PLXDC2: variants seen among roughly 807,000 people sequenced by gnomAD.
PLXDC2 encodes plexin domain containing 2.
A neutral mutation model predicts 68.9 loss-of-function variants in PLXDC2; 40 were observed. That is an observed-to-expected ratio of 0.58 (90% CI 0.45 to 0.76). The LOEUF (loss-of-function observed/expected upper bound fraction) is 0.76, where lower values mean the gene tolerates loss of function less well. PLXDC2 is among the 30% of genes least tolerant of loss of function. PLXDC2 has a pLI of 0.00. For synonymous variants in PLXDC2, 243 were observed against 234.2 expected, an observed-to-expected ratio of 1.04 and a Z score of -0.34; for missense variants, 644 against 661.9, an observed-to-expected ratio of 0.97 and a Z score of 0.30.
At chr10:19,900,270 A>G (rs1266921969) in intron 1 of PLXDC2, among the ~76,000 whole-genome samples, 2 of 152,168 alleles carry the variant, frequency 1.3e-5, no homozygotes, top group Non-Finnish European at 2.9e-5. Context: ...GGCCTGGGAG[A>G]TGAATGGTGG....
chr10:20,035,272 A>G (rs1396042129), intron 2 of PLXDC2, among the ~76,000 whole-genome samples: 1 of 152,214 alleles, frequency 6.6e-6, no homozygotes, highest in Non-Finnish European at 1.5e-5. Flanking sequence ...TTGCTTGTTA[A>G]TCACTTCCTG....
intron 1 of PLXDC2, among the ~76,000 whole-genome samples, chr10:19,952,741 T>C (rs954068333): frequency 6.6e-6 from 1 of 152,214 alleles, no homozygotes; most frequent in Non-Finnish European, 1.5e-5. Context: ...TACGTTGAGC[T>C]GTAAGTGAGA....
intron 8 of PLXDC2, 94 bp downstream of exon 8, chr10:20,177,188 C>A: frequency 7.4e-7 from 1 of 1,346,550 alleles, no homozygotes; most frequent in Non-Finnish European, 1.1e-6. Context: ...TAAATAATTA[C>A]CATTATAATT....
At chr10:19,883,591 G>A (rs981216370) in intron 1 of PLXDC2, among the ~76,000 whole-genome samples, 7 of 151,772 alleles carry the variant, frequency 4.6e-5, no homozygotes, top group African/African-American at 1.7e-4. Flanking sequence ...GAGAACTTAC[G>A]TCCCCTTTTC....
intron 1 of PLXDC2, among the ~76,000 whole-genome samples, chr10:19,966,324 ATG>A (rs1834250499): frequency 7.8e-6 from 1 of 128,566 alleles, no homozygotes; most frequent in Admixed American, 7.3e-5. Flanking sequence ...TATTTTATAT[ATG>A]TATATGTACA....
chr10:20,061,715 G>A (rs1203855163), intron 3 of PLXDC2, among the ~76,000 whole-genome samples: 2 of 152,146 alleles, frequency 1.3e-5, no homozygotes, highest in African/African-American at 2.4e-5. Context: ...TCTATTAAAT[G>A]TTAATTTCAT....
chr10:20,125,442 G>A (rs74119621), intron 4 of PLXDC2, among the ~76,000 whole-genome samples: 5,476 of 152,172 alleles, frequency 0.036, 361 homozygotes, highest in African/African-American at 0.13. Context: ...TTGGATGAAG[G>A]GCTGGATAGA....
chr10:20,075,239 A>T (rs1836418410), intron 4 of PLXDC2, among the ~76,000 whole-genome samples: 1 of 152,138 alleles, frequency 6.6e-6, no homozygotes, highest in African/African-American at 2.4e-5. Flanking sequence ...CCCAAGCTGG[A>T]GTGCAGTGGC....
intron 1 of PLXDC2, among the ~76,000 whole-genome samples, chr10:19,941,808 C>T (rs998286637): frequency 6.6e-6 from 1 of 152,068 alleles, no homozygotes; most frequent in Non-Finnish European, 1.5e-5. Flanking sequence ...ACTCTGCTAA[C>T]GTGTTGAGTT....
At chr10:20,036,360 T>C (rs184102501) in intron 2 of PLXDC2, among the ~76,000 whole-genome samples, 52 of 152,270 alleles carry the variant, frequency 3.4e-4, no homozygotes, top group South Asian at 1.0e-3. Flanking sequence ...AGCAGCCCTT[T>C]ACAAGCCAGG....
At chr10:20,199,382 A>G (rs911116685) in intron 9 of PLXDC2, among the ~76,000 whole-genome samples, 4 of 152,038 alleles carry the variant, frequency 2.6e-5, no homozygotes, top group African/African-American at 9.6e-5. Context: ...ATTTTTATGT[A>G]GCATAATTCT....
At chr10:20,126,281 A>G (rs1589642688) in intron 4 of PLXDC2, among the ~76,000 whole-genome samples, 1 of 146,764 alleles carries the variant, frequency 6.8e-6, no homozygotes, top group Admixed American at 6.9e-5. Context: ...ATATATACAT[A>G]TACGTTATAT....
chr10:20,043,800 AATT>A (rs1312781987), intron 2 of PLXDC2, among the ~76,000 whole-genome samples: 1 of 152,098 alleles, frequency 6.6e-6, no homozygotes, highest in African/African-American at 2.4e-5. Flanking sequence ...AAATTAAATG[AATT>A]ATTATTTTAC....
chr10:20,209,479 A>G (rs1485382089), intron 9 of PLXDC2, among the ~76,000 whole-genome samples: 1 of 152,122 alleles, frequency 6.6e-6, no homozygotes. Context: ...TGGCACATGT[A>G]ACAAAGTTGC....
At chr10:20,277,588 A>G (rs1836025137) in intron 13 of PLXDC2, among the ~76,000 whole-genome samples, 1 of 152,182 alleles carries the variant, frequency 6.6e-6, no homozygotes, top group Non-Finnish European at 1.5e-5. Flanking sequence ...GTGAGATAAC[A>G]TCTCCTATCT....
intron 13 of PLXDC2, among the ~76,000 whole-genome samples, chr10:20,263,947 C>G (rs1012363191): frequency 6.6e-6 from 1 of 152,022 alleles, no homozygotes; most frequent in East Asian, 1.9e-4. Context: ...ACCCAGCAAT[C>G]CCATTACTTG....
chr10:20,237,708 T>C (rs1004628911), intron 12 of PLXDC2, among the ~76,000 whole-genome samples: 5 of 152,250 alleles, frequency 3.3e-5, no homozygotes, highest in East Asian at 1.9e-4. Context: ...TTTAACTTTA[T>C]TCTGAAGCTT....
At chr10:19,934,459 A>G (rs1833690883) in intron 1 of PLXDC2, among the ~76,000 whole-genome samples, 2 of 152,214 alleles carry the variant, frequency 1.3e-5, no homozygotes, top group Admixed American at 6.5e-5. Flanking sequence ...CCTTCTGCAT[A>G]AGGTTGATAG....
intron 1 of PLXDC2, among the ~76,000 whole-genome samples, chr10:19,891,792 G>C (rs965544290): frequency 6.6e-6 from 1 of 152,160 alleles, no homozygotes; most frequent in Non-Finnish European, 1.5e-5. Flanking sequence ...ATAAACCAAA[G>C]AATTGGTTTC....
Sources: allele counts gnomAD v4.1 joint callset (sites outside exome capture counted in the v4.1 genomes callset), GRCh38; gene constraint gnomAD v4.1.1; transcripts MANE v1.5; gene names NCBI Gene and HGNC (gene_info 2026-07-23, HGNC 2026-07-21).